SLC4A10: variants seen among roughly 807,000 people sequenced by gnomAD.
SLC4A10 encodes solute carrier family 4 member 10, also known as sodium-driven chloride bicarbonate exchanger.
SLC4A10 carries 42 observed loss-of-function variants against 137.7 expected under a neutral mutation model. The ratio of observed to expected loss-of-function variants is 0.30; its 90% CI spans 0.24 to 0.39. The LOEUF (loss-of-function observed/expected upper bound fraction) is 0.39. SLC4A10 is among the 10% of genes least tolerant of loss of function. The pLI is 1.00. For missense variants in SLC4A10, 925 were observed against 1,355.0 expected (o/e 0.68, Z 4.98); for synonymous variants, 474 against 464.1 (o/e 1.02, Z -0.27).
chr2:161,850,259 G>T (rs2059753007), intron 4 of SLC4A10, among the ~76,000 whole-genome samples: 1 of 152,050 alleles, frequency 6.6e-6, no homozygotes, highest in Admixed American at 6.6e-5. Context: ...AGACACAGTG[G>T]TGTGCACCTG....
chr2:161,708,401 A>C (rs2043919048), intron 1 of SLC4A10, among the ~76,000 whole-genome samples: 2 of 151,564 alleles, frequency 1.3e-5, no homozygotes, highest in African/African-American at 4.8e-5. Flanking sequence ...GCTTATTTTT[A>C]AAGGACTGAA....
At position 161,733,021 on chromosome 2, in the gene SLC4A10, A is replaced by G. The variant is rs537568471; in HGVS notation, c.49-37952A>G. Among the ~76,000 whole-genome samples the G allele has an allele frequency of 3.9e-5, 6 of 152,356 alleles. No individual in the cohort carries two copies. In the East Asian group the frequency reaches 1.2e-3, roughly 29 times the overall value. ...AGGTGACTTGGGTGTCGTTGAAAGC[A>G]TTCAGTTTTAAAAGGGAAACAGAGC... is the stretch of plus-strand genomic sequence containing the variant. On this transcript the variant is annotated intron_variant, in intron 1 of 26. Transcript: ENST00000446997.
At chr2:161,787,667 T>C (rs933845979) in intron 2 of SLC4A10, among the ~76,000 whole-genome samples, 1 of 152,176 alleles carries the variant, frequency 6.6e-6, no homozygotes, top group African/African-American at 2.4e-5. Context: ...GAAAGACCAA[T>C]GTTTAAGCTC....
chr2:161,638,430 G>T lies in SLC4A10; in HGVS notation c.48+13864G>T, dbSNP rs373561538. Among the ~76,000 whole-genome samples, 174 of 152,142 alleles carry T rather than the reference G, an allele frequency of 1.1e-3. 2 individuals are homozygous for T. The South Asian group carries it at 0.02, about 17-fold the overall frequency. On this transcript the variant is annotated intron_variant, in intron 1 of 26. Coordinates refer to ENST00000446997, the MANE Select transcript of SLC4A10 (RefSeq NM_001178015.2). ...TGATGCTTTTGTCAAAAATCATTTGGCTGTAAATACGTGGATTTGTTTCTG... is the reference window on the plus strand; with the variant it reads ...TGATGCTTTTGTCAAAAATCATTTGTCTGTAAATACGTGGATTTGTTTCTG...
intron 8 of SLC4A10, among the ~76,000 whole-genome samples, chr2:161,874,584 C>G (rs1317606727): frequency 6.6e-6 from 1 of 152,182 alleles, no homozygotes; most frequent in Non-Finnish European, 1.5e-5. Flanking sequence ...CCTTTTCTTT[C>G]TCTTCACATT....
chr2:161,786,843 A>G (rs2053680918), intron 2 of SLC4A10, among the ~76,000 whole-genome samples: 1 of 150,774 alleles, frequency 6.6e-6, no homozygotes, highest in Non-Finnish European at 1.5e-5. Flanking sequence ...TTTATGACAT[A>G]AAAGAGTATA....
chr2:161,908,845 G>A (rs931289389), intron 15 of SLC4A10, among the ~76,000 whole-genome samples: 15 of 152,002 alleles, frequency 9.9e-5, no homozygotes, highest in Admixed American at 5.2e-4. Context: ...AAGGAAGGCA[G>A]CAATGATGAA....
intron 2 of SLC4A10, among the ~76,000 whole-genome samples, chr2:161,783,552 T>TA (rs1332857218): frequency 6.6e-6 from 1 of 151,992 alleles, no homozygotes; most frequent in Non-Finnish European, 1.5e-5. Context: ...TTTCAATAAC[T>TA]AAAATACTTT....
At position 161,954,448 on chromosome 2, in the gene SLC4A10, A is replaced by G. The variant is rs191077336; in HGVS notation, c.2542-2541A>G. Among the ~76,000 whole-genome samples, 137 of 152,300 alleles carry G rather than the reference A, an allele frequency of 9.0e-4. 1 individual carries two copies. Among genetic ancestry groups the G allele is most frequent in the African/African-American group, 3.2e-3 (132 of 41,572 alleles). On this transcript the variant is annotated intron_variant, in intron 19 of 26. Transcript: ENST00000446997. ...TGATTCATGGATGAATGTGAGAATA[A>G]AAGCTCTAGCTCTGTCTTTATTTGA...
chr2:161,796,128 T>C, intron 2 of SLC4A10, among the ~76,000 whole-genome samples: 1 of 152,228 alleles, frequency 6.6e-6, no homozygotes, highest in East Asian at 1.9e-4. Context: ...CTTTCAATTT[T>C]GTATTTTATA....
chr2:161,678,155 G>A (rs985140798), intron 1 of SLC4A10, among the ~76,000 whole-genome samples: 2 of 151,974 alleles, frequency 1.3e-5, no homozygotes, highest in East Asian at 1.9e-4. Flanking sequence ...GAATTCCTCC[G>A]AGGACTCATA....
At chr2:161,672,208 G>C (rs1192082077) in intron 1 of SLC4A10, among the ~76,000 whole-genome samples, 1 of 152,012 alleles carries the variant, frequency 6.6e-6, no homozygotes, top group Non-Finnish European at 1.5e-5. Flanking sequence ...TAACAGCCCT[G>C]GTGATCTCTT....
At chr2:161,980,824 A>AT (rs1700115830) in intron 26 of SLC4A10, among the ~76,000 whole-genome samples, 3 of 152,216 alleles carry the variant, frequency 2.0e-5, no homozygotes, top group Admixed American at 6.5e-5. Context: ...CTAGGTCATT[A>AT]TGGAGTTCCT....
intron 11 of SLC4A10, among the ~76,000 whole-genome samples, chr2:161,897,447 G>C (rs2063618541): frequency 6.6e-6 from 1 of 152,066 alleles, no homozygotes; most frequent in South Asian, 2.1e-4. Context: ...CCCAGCCCTG[G>C]AATTAGAAAT....
At chr2:161,895,641 AT>A (rs1195020107) in intron 11 of SLC4A10, among the ~76,000 whole-genome samples, 1 of 152,028 alleles carries the variant, frequency 6.6e-6, no homozygotes. Flanking sequence ...TGTGTTTTTG[AT>A]TTGCATTTCT....
chr2:161,768,520 GAGGT>G (rs918791453), intron 1 of SLC4A10, among the ~76,000 whole-genome samples: 1 of 151,978 alleles, frequency 6.6e-6, no homozygotes, highest in Non-Finnish European at 1.5e-5. Context: ...CTTCATTCAA[GAGGT>G]TCTGGGTCTG....
intron 1 of SLC4A10, among the ~76,000 whole-genome samples, chr2:161,740,110 G>A (rs575259405): frequency 1.2e-4 from 19 of 152,284 alleles, no homozygotes; most frequent in South Asian, 4.1e-4. Context: ...AGAAAACAGC[G>A]TGCAGTTCAG....
intron 6 of SLC4A10, among the ~76,000 whole-genome samples, chr2:161,865,728 G>T (rs1212624676): frequency 6.6e-6 from 1 of 151,808 alleles, no homozygotes; most frequent in Non-Finnish European, 1.5e-5. Flanking sequence ...TTACTGCTAA[G>T]GTTCTTAATC....
intron 1 of SLC4A10, among the ~76,000 whole-genome samples, chr2:161,707,153 A>G (rs185237153): frequency 2.0e-5 from 3 of 151,646 alleles, no homozygotes; most frequent in East Asian, 3.9e-4. Flanking sequence ...ATTTGTTTAC[A>G]TGTGATTTTT....
Sources: allele counts gnomAD v4.1 joint callset (sites outside exome capture counted in the v4.1 genomes callset), GRCh38; gene constraint gnomAD v4.1.1; transcripts MANE v1.5; gene names NCBI Gene and HGNC (gene_info 2026-07-23, HGNC 2026-07-21).